The following SCAPER variants were observed in gnomAD, a reference collection of about 807,000 sequenced individuals.
SCAPER encodes S phase cyclin A-associated protein in the endoplasmic reticulum.
Under a neutral mutation model 182.2 loss-of-function variants are expected in SCAPER, and 98 were observed. The ratio of observed to expected loss-of-function variants is 0.54; its 90% confidence interval spans 0.46 to 0.64. The LOEUF is 0.64. Among genes scored for constraint, SCAPER ranks in the 30% least tolerant of loss-of-function variants. SCAPER has a pLI of 0.00. For synonymous variants in SCAPER, 605 were observed against 564.6 expected (o/e 1.07, Z -1.01); for missense variants, 1,432 against 1,690.0 (o/e 0.85, Z 2.68).
At chr15:76,501,329 AACTCT>A (rs2041096816) in intron 24 of SCAPER, among the ~76,000 whole-genome samples, 4 of 146,650 alleles carry the variant, frequency 2.7e-5, no homozygotes, top group Non-Finnish European at 6.0e-5. Flanking sequence ...AAGTAGGTAT[AACTCT>A]CAATTTCATG....
chr15:76,437,854 C>T (rs2047297440), intron 25 of SCAPER, among the ~76,000 whole-genome samples: 1 of 152,188 alleles, frequency 6.6e-6, no homozygotes, highest in Admixed American at 6.5e-5. Flanking sequence ...GAGTACCTAA[C>T]ACATACATAG....
chr15:76,627,616 C>A (rs906938801), intron 21 of SCAPER, among the ~76,000 whole-genome samples: 2 of 152,166 alleles, frequency 1.3e-5, no homozygotes, highest in African/African-American at 4.8e-5. Context: ...CTACAAAGAA[C>A]ATGATCTCAT....
At chr15:76,678,421 T>C (rs112444451) in intron 20 of SCAPER, among the ~76,000 whole-genome samples, 1 of 148,012 alleles carries the variant, frequency 6.8e-6, no homozygotes, top group Non-Finnish European at 1.5e-5. Flanking sequence ...CCATTTTTTT[T>C]CCTCACATTT....
At chr15:76,695,205 A>G (rs1567824061) in intron 20 of SCAPER, among the ~76,000 whole-genome samples, 2 of 152,322 alleles carry the variant, frequency 1.3e-5, no homozygotes, top group South Asian at 4.1e-4. Flanking sequence ...TGACTAACAT[A>G]GCTAAAAATC....
chr15:76,445,608 C>G (rs1270775580), intron 25 of SCAPER, among the ~76,000 whole-genome samples: 1 of 152,078 alleles, frequency 6.6e-6, no homozygotes, highest in Non-Finnish European at 1.5e-5. Context: ...GATATCACCA[C>G]CTGGAGATGG....
Position 76,460,387 on chromosome 15 carries a change from G to A in SCAPER, c.3078+10825C>T, listed in dbSNP as rs114900592. On this transcript the variant is annotated intron_variant, in intron 25 of 31. Coordinates refer to ENST00000563290, the MANE Select transcript of SCAPER (RefSeq NM_020843.4). ...ATCATTGGTGTATAGAAATGTTACC[G>A]ATTTTTATAAGTTGATTTTGTATTC... Among the ~76,000 whole-genome samples, 11 of 152,078 alleles carry A rather than the reference G, an allele frequency of 7.2e-5. No individual in the cohort carries two copies. In the South Asian group the frequency reaches 1.7e-3, roughly 23 times the overall value.
intron 20 of SCAPER, among the ~76,000 whole-genome samples, chr15:76,689,806 A>G (rs957113539): frequency 1.3e-5 from 2 of 152,202 alleles, no homozygotes; most frequent in East Asian, 3.9e-4. Context: ...GAGGTGTCCA[A>G]AAAAAACTAA....
chr15:76,687,013 G>A lies in SCAPER; in HGVS notation c.2508+14745C>T, dbSNP rs970621056. On this transcript the variant is annotated intron_variant, in intron 20 of 31. Coordinates refer to ENST00000563290, the MANE Select transcript of SCAPER (RefSeq NM_020843.4). ...GGAGAAAGGCATTAAATAGGAAAGAGGAATGCTTCATATTCTTAAAAGGTA... is the reference window on the plus strand; with the variant it reads ...GGAGAAAGGCATTAAATAGGAAAGAAGAATGCTTCATATTCTTAAAAGGTA... Among the ~76,000 whole-genome samples the A allele has an allele frequency of 2.6e-5, 4 of 151,992 alleles. 1 individual carries two copies. The highest frequency in any genetic ancestry group is 4.8e-5 in the African/African-American group (2 of 41,394).
At chr15:76,673,678 G>A (rs183137289) in intron 20 of SCAPER, among the ~76,000 whole-genome samples, 24 of 152,180 alleles carry the variant, frequency 1.6e-4, no homozygotes, top group African/African-American at 5.1e-4. Flanking sequence ...CAGTAGCAAT[G>A]AGCATCTCTG....
intron 26 of SCAPER, among the ~76,000 whole-genome samples, chr15:76,415,684 T>C (rs2045596650): frequency 6.6e-6 from 1 of 152,200 alleles, no homozygotes. Context: ...ATGTTGTTTA[T>C]GAAGATAGAT....
chr15:76,793,606 T>G (rs2065138524), intron 8 of SCAPER, among the ~76,000 whole-genome samples: 1 of 152,234 alleles, frequency 6.6e-6, no homozygotes, highest in South Asian at 2.1e-4. Flanking sequence ...TAGAGGGTTG[T>G]GTGCCTGGAG....
rs34092470 is a variant in SCAPER, at chr15:76,844,271, GAAA to G, written c.196-2343_196-2341del. Among the ~76,000 whole-genome samples, 42 of 125,306 alleles carry G rather than the reference GAAA, an allele frequency of 3.4e-4. 1 individual carries two copies. Among genetic ancestry groups the G allele is most frequent in the East Asian group, 2.9e-3 (12 of 4,188 alleles). The allele number at this position is 125,306 out of a possible 152,430, so 82.2% of individuals were successfully genotyped here. On this transcript the variant is annotated intron_variant, in intron 4 of 31. Transcript: ENST00000563290. The stretch of plus-strand genomic sequence containing the variant: ...ATTTGAGAGACAAAGACAGAAAGAG[GAAA>G]AAAAAAAAAAAAAAGGCAGGCCAGG...
intron 1 of SCAPER, among the ~76,000 whole-genome samples, chr15:76,899,298 G>A (rs1367702388): frequency 6.6e-6 from 1 of 152,146 alleles, no homozygotes; most frequent in Non-Finnish European, 1.5e-5. Context: ...CCGAGTGCCT[G>A]GGGTTCCAGG....
intron 23 of SCAPER, among the ~76,000 whole-genome samples, chr15:76,557,444 TG>T (rs1448777504): frequency 6.6e-6 from 1 of 152,142 alleles, no homozygotes; most frequent in Non-Finnish European, 1.5e-5. Flanking sequence ...GTGCTGGAGG[TG>T]GGGCCTCATA....
At chr15:76,750,326 C>T (rs1190586118) in intron 15 of SCAPER, among the ~76,000 whole-genome samples, 8 of 151,828 alleles carry the variant, frequency 5.3e-5, no homozygotes, top group Non-Finnish European at 1.0e-4. Flanking sequence ...AATCCCTGGA[C>T]CTGATGGCTT....
intron 16 of SCAPER, 85 bp from the exon 17 acceptor site, chr15:76,728,822 A>G: frequency 7.0e-7 from 1 of 1,421,312 alleles, no homozygotes; most frequent in East Asian, 2.5e-5. Flanking sequence ...CACCAAACTT[A>G]CATGTTCAAG....
At position 76,857,883 on chromosome 15, in the gene SCAPER, C is replaced by A; in HGVS notation, c.125-4G>T. On this transcript the variant is annotated splice_polypyrimidine_tract_variant and splice_region_variant and intron_variant, in intron 3 of 31. Transcript: ENST00000563290. Reference sequence around the variant, plus strand: ...CCAGTTTGACATTTAGGTTTTCCTTCAAGGCAAGAAAAAAATAAATATGTA... The same window carrying A: ...CCAGTTTGACATTTAGGTTTTCCTTAAAGGCAAGAAAAAAATAAATATGTA... 1 of 1,541,060 alleles carries A rather than the reference C, an allele frequency of 6.5e-7. No individual in the cohort carries two copies. The highest frequency in any genetic ancestry group is 8.8e-7 in the Non-Finnish European group (1 of 1,140,546).
intron 15 of SCAPER, among the ~76,000 whole-genome samples, chr15:76,737,323 C>T (rs1178796924): frequency 6.6e-6 from 1 of 152,232 alleles, no homozygotes; most frequent in Non-Finnish European, 1.5e-5. Context: ...GTGCTCTCTC[C>T]ATCAGGGCTC....
At chr15:76,472,704 T>C (rs1016499059) in intron 24 of SCAPER, among the ~76,000 whole-genome samples, 4 of 152,156 alleles carry the variant, frequency 2.6e-5, no homozygotes, top group African/African-American at 7.2e-5. Context: ...TACTGTTGTA[T>C]TGTGGGGAAG....
Sources: allele counts gnomAD v4.1 joint callset (sites outside exome capture counted in the v4.1 genomes callset), GRCh38; gene constraint gnomAD v4.1.1; transcripts MANE v1.5; gene names NCBI Gene and HGNC (gene_info 2026-07-23, HGNC 2026-07-21).